ZNF804A: variants seen among roughly 807,000 people sequenced by gnomAD.
ZNF804A encodes the protein zinc finger protein 804A.
In ZNF804A, 2 loss-of-function variants were observed where a neutral mutation model predicts 16.5. That is an observed-to-expected ratio of 0.12 (90% CI 0.05 to 0.38). The LOEUF (loss-of-function observed/expected upper bound fraction) is 0.38. Among genes scored for constraint, ZNF804A ranks in the 10% least tolerant of loss-of-function variants. The pLI is 0.99. For missense variants in ZNF804A, 1,473 were observed against 1,390.7 expected (o/e 1.06, Z -0.94); for synonymous variants, 534 against 489.6 (o/e 1.09, Z -1.20).
intron 1 of ZNF804A, among the ~76,000 whole-genome samples, chr2:184,811,679 T>C (rs751317352): frequency 3.3e-5 from 5 of 152,064 alleles, no homozygotes; most frequent in African/African-American, 9.7e-5. Context: ...CACCTGTGAA[T>C]AGCAACTGAA....
At chr2:184,739,070 T>G (rs529381652) in intron 1 of ZNF804A, among the ~76,000 whole-genome samples, 1 of 152,360 alleles carries the variant, frequency 6.6e-6, no homozygotes, top group Admixed American at 6.5e-5. Flanking sequence ...CATAAACCTT[T>G]TATCATGCTG....
chr2:184,732,150 C>T (rs1337169439), intron 1 of ZNF804A, among the ~76,000 whole-genome samples: 1 of 151,816 alleles, frequency 6.6e-6, no homozygotes, highest in Non-Finnish European at 1.5e-5. Context: ...AAGTTTCTTT[C>T]TATGTTATCT....
chr2:184,687,371 A>G (rs1358282039), intron 1 of ZNF804A, among the ~76,000 whole-genome samples: 1 of 152,196 alleles, frequency 6.6e-6, no homozygotes, highest in Admixed American at 6.5e-5. Context: ...GATCAGTACC[A>G]CTTATTTTTT....
intron 1 of ZNF804A, among the ~76,000 whole-genome samples, chr2:184,682,269 C>T (rs371767775): frequency 1.3e-5 from 2 of 152,132 alleles, no homozygotes; most frequent in Non-Finnish European, 2.9e-5. Flanking sequence ...GCACCAGTGG[C>T]CAAAGAGGTT....
At chr2:184,704,885 CTCTGCTTGGACTGTT>C (rs1262048174) in intron 1 of ZNF804A, among the ~76,000 whole-genome samples, 1 of 152,188 alleles carries the variant, frequency 6.6e-6, no homozygotes, top group African/African-American at 2.4e-5. Context: ...TCCTTGTAGA[CTCTGCTTGGACTGTT>C]TCTCATGGAA....
At chr2:184,935,664 T>C (rs551874800) in intron 3 of ZNF804A, 119 bp from the exon 4 acceptor site, 1 of 1,204,630 alleles carries the variant, frequency 8.3e-7, no homozygotes, top group Non-Finnish European at 1.1e-6. Context: ...GGCAATTCTG[T>C]CACAAAGATT....
chr2:184,752,524 G>A (rs919331460), intron 1 of ZNF804A, among the ~76,000 whole-genome samples: 2 of 151,300 alleles, frequency 1.3e-5, no homozygotes, highest in Non-Finnish European at 3.0e-5. Context: ...TGTTTATCAG[G>A]TACAATGTTC....
intron 1 of ZNF804A, among the ~76,000 whole-genome samples, chr2:184,639,470 T>C (rs1691758136): frequency 6.6e-6 from 1 of 152,170 alleles, no homozygotes; most frequent in African/African-American, 2.4e-5. Context: ...TCTTAATATA[T>C]AGTTTTGATT....
chr2:184,860,841 G>A (rs142167155), intron 1 of ZNF804A, among the ~76,000 whole-genome samples: 326 of 152,350 alleles, frequency 2.1e-3, no homozygotes, highest in Middle Eastern at 6.8e-3. Context: ...AAGGCCTAAA[G>A]CCTGGGGCAA....
At chr2:184,845,292 C>T (rs1440786348) in intron 1 of ZNF804A, among the ~76,000 whole-genome samples, 1 of 152,124 alleles carries the variant, frequency 6.6e-6, no homozygotes, top group East Asian at 1.9e-4. Context: ...GGAAATGTAT[C>T]AGGTAGTAGG....
intron 1 of ZNF804A, among the ~76,000 whole-genome samples, chr2:184,630,188 C>T (rs1363913470): frequency 6.6e-6 from 1 of 152,016 alleles, no homozygotes; most frequent in East Asian, 1.9e-4. Flanking sequence ...TGTTACATTC[C>T]TAAGTAATAT....
intron 1 of ZNF804A, among the ~76,000 whole-genome samples, chr2:184,772,421 G>C (rs957472173): frequency 6.6e-6 from 1 of 151,758 alleles, no homozygotes; most frequent in Non-Finnish European, 1.5e-5. Flanking sequence ...CTTTCATTTA[G>C]CATTTTGTGA....
chr2:184,759,335 T>C (rs1050983272), intron 1 of ZNF804A, among the ~76,000 whole-genome samples: 4 of 151,816 alleles, frequency 2.6e-5, no homozygotes, highest in African/African-American at 9.7e-5. Context: ...GAAAAAAGTC[T>C]GTAGTTGAGG....
At chr2:184,679,893 G>A (rs1331714544) in intron 1 of ZNF804A, among the ~76,000 whole-genome samples, 1 of 152,154 alleles carries the variant, frequency 6.6e-6, no homozygotes, top group Non-Finnish European at 1.5e-5. Flanking sequence ...AAAGGTGTGA[G>A]TTCCCAGTGA....
chr2:184,660,423 G>A (rs1472412397), intron 1 of ZNF804A, among the ~76,000 whole-genome samples: 4 of 152,118 alleles, frequency 2.6e-5, no homozygotes, highest in African/African-American at 9.7e-5. Flanking sequence ...AAATAAAACA[G>A]AAAGCTTGTC....
intron 2 of ZNF804A, among the ~76,000 whole-genome samples, chr2:184,878,067 T>C (rs4586602): frequency 0.19 from 28,324 of 152,040 alleles, 3,241 homozygotes; most frequent in African/African-American, 0.32. Flanking sequence ...ACTCAGCCAA[T>C]ATCAATCTCA....
chr2:184,608,338 A>C (rs917916379), intron 1 of ZNF804A, among the ~76,000 whole-genome samples: 2 of 152,166 alleles, frequency 1.3e-5, no homozygotes, highest in Non-Finnish European at 1.5e-5. Context: ...AACATTGTTT[A>C]ATTCTGGATT....
intron 1 of ZNF804A, among the ~76,000 whole-genome samples, chr2:184,848,021 G>C (rs552185267): frequency 6.6e-6 from 1 of 151,996 alleles, no homozygotes; most frequent in South Asian, 2.1e-4. Context: ...TTTAATGGAG[G>C]TTTCAATGTG....
chr2:184,673,122 G>A (rs1039494770), intron 1 of ZNF804A, among the ~76,000 whole-genome samples: 1 of 152,028 alleles, frequency 6.6e-6, no homozygotes, highest in Non-Finnish European at 1.5e-5. Flanking sequence ...GAAGGAGGAA[G>A]GGAAGAGGGT....
Sources: gnomAD v4.1 joint callset for allele counts (sites outside exome capture counted in the v4.1 genomes callset) on GRCh38, gnomAD v4.1.1 for gene constraint, MANE v1.5 for transcripts, NCBI Gene and HGNC (gene_info 2026-07-23, HGNC 2026-07-21) for gene names.